ZNF277: variants seen among roughly 807,000 people sequenced by gnomAD.
ZNF277 encodes nuclear receptor-interacting factor 4.
Under a neutral mutation model 60.7 loss-of-function variants are expected in ZNF277, and 55 were observed. The observed-to-expected ratio is 0.91, with a 90% confidence interval of 0.73 to 1.13. The LOEUF (loss-of-function observed/expected upper bound fraction) is 1.13, where lower values mean the gene tolerates loss of function less well. ZNF277 is among the 50% of genes most tolerant of loss of function. The pLI is 0.00. For missense variants in ZNF277, 510 were observed against 523.0 expected (o/e 0.98, Z 0.24); for synonymous variants, 178 against 179.3 (o/e 0.99, Z 0.06).
At chr7:112,234,585 T>G (rs914461724) in intron 1 of ZNF277, among the ~76,000 whole-genome samples, 1 of 152,160 alleles carries the variant, frequency 6.6e-6, no homozygotes, top group Non-Finnish European at 1.5e-5. Context: ...ACCATAGCAG[T>G]TGCCAAATTT....
intron 1 of ZNF277, among the ~76,000 whole-genome samples, chr7:112,211,266 C>G (rs1460464473): frequency 1.3e-5 from 2 of 152,218 alleles, no homozygotes; most frequent in South Asian, 2.1e-4. Flanking sequence ...ACCTAGGAAG[C>G]ATCCTTGATT....
Position 112,235,019 on chromosome 7 carries a change from C to T in ZNF277, c.91+28212C>T, listed in dbSNP as rs180765385. Reference sequence around the variant, plus strand: ...AATTATTGTTTGACATTGTTATTAACAGCCATCTATTTTTTGCCTGCAGAA... The same window carrying T: ...AATTATTGTTTGACATTGTTATTAATAGCCATCTATTTTTTGCCTGCAGAA... On this transcript the variant is annotated intron_variant, in intron 1 of 11. Coordinates refer to ENST00000361822, the MANE Select transcript of ZNF277 (RefSeq NM_021994.3). Among the ~76,000 whole-genome samples, 402 of 151,962 alleles carry T rather than the reference C, an allele frequency of 2.6e-3. 2 individuals are homozygous for T. The highest frequency in any genetic ancestry group is 9.0e-3 in the African/African-American group (375 of 41,486).
At chr7:112,229,349 A>C (rs1375666136) in intron 1 of ZNF277, among the ~76,000 whole-genome samples, 2 of 152,214 alleles carry the variant, frequency 1.3e-5, no homozygotes, top group African/African-American at 4.8e-5. Flanking sequence ...TGCATACAAC[A>C]CTGCAAAGAA....
At chr7:112,325,935 G>A (rs1183719653) in intron 5 of ZNF277, among the ~76,000 whole-genome samples, 1 of 152,122 alleles carries the variant, frequency 6.6e-6, no homozygotes, top group Non-Finnish European at 1.5e-5. Context: ...AAGCCACTGT[G>A]GCCTACCTGA....
At chr7:112,230,193 A>G (rs7792614) in intron 1 of ZNF277, among the ~76,000 whole-genome samples, 140,957 of 152,234 alleles carry the variant, frequency 0.93, 65,466 homozygotes, top group Middle Eastern at 0.98. Context: ...CTGGGAGGCC[A>G]AGGTGGGTGT....
chr7:112,328,080 T>G (rs1367312831), intron 6 of ZNF277: 1 of 272,380 alleles, frequency 3.7e-6, no homozygotes, highest in African/African-American at 2.2e-5. Context: ...GTATAGGATA[T>G]GAAGAATATA....
chr7:112,264,089 G>T (rs1791493551), intron 1 of ZNF277, among the ~76,000 whole-genome samples: 1 of 152,126 alleles, frequency 6.6e-6, no homozygotes, highest in African/African-American at 2.4e-5. Context: ...GACTAGATAG[G>T]AGGCTTCCAG....
intron 1 of ZNF277, among the ~76,000 whole-genome samples, chr7:112,266,764 T>C (rs1467303902): frequency 6.6e-6 from 1 of 152,200 alleles, no homozygotes; most frequent in Non-Finnish European, 1.5e-5. Flanking sequence ...ACTTGTAATA[T>C]CAGCAGTGTT....
At chr7:112,302,977 G>A (rs1221843039) in intron 4 of ZNF277, among the ~76,000 whole-genome samples, 1 of 136,846 alleles carries the variant, frequency 7.3e-6, no homozygotes, top group East Asian at 2.1e-4. Flanking sequence ...GAGACAGAGT[G>A]TCAGTCTGTC....
At chr7:112,286,542 T>C (rs1441352701) in intron 1 of ZNF277, among the ~76,000 whole-genome samples, 2 of 152,076 alleles carry the variant, frequency 1.3e-5, no homozygotes, top group Non-Finnish European at 2.9e-5. Context: ...GTTGCAGCCT[T>C]CCCCCTTGCA....
intron 4 of ZNF277, among the ~76,000 whole-genome samples, chr7:112,296,908 ATTTATTTTTTTTTTTTTTTTTTTTT>A (rs1792357915): frequency 2.7e-5 from 1 of 37,186 alleles, no homozygotes; most frequent in Non-Finnish European, 4.7e-5. Context: ...TTATTTATTT[ATTTATTTTTTTTTTTTTTTTTTTTT>A]TTTTTTTTTT....
rs748444592 is a variant in ZNF277 at position 112,206,712 on chromosome 7, G to C, written c.-5G>C. On this transcript the variant is annotated 5_prime_UTR_variant, in exon 1 of 12. Transcript: ENST00000361822. Reference sequence around the variant, plus strand: ...GCGGCCCTCCCTTTTCTTTTCTGCCGGGTAATGGCTGCTTCCAAGACCCAG... The same window carrying C: ...GCGGCCCTCCCTTTTCTTTTCTGCCCGGTAATGGCTGCTTCCAAGACCCAG... 3 of 1,613,042 alleles carry C rather than the reference G, an allele frequency of 1.9e-6. No homozygotes were observed. Among genetic ancestry groups the C allele is most frequent in the South Asian group, 2.2e-5 (2 of 91,006 alleles).
At chr7:112,339,920 T>C in intron 10 of ZNF277, 35 bp downstream of exon 10, 1 of 1,597,576 alleles carries the variant, frequency 6.3e-7, no homozygotes, top group Non-Finnish European at 8.5e-7. Context: ...TCTGTGATGC[T>C]TCATTTTTTA....
At chr7:112,255,628 C>T (rs567399699) in intron 1 of ZNF277, among the ~76,000 whole-genome samples, 80 of 152,314 alleles carry the variant, frequency 5.3e-4, no homozygotes, top group African/African-American at 1.8e-3. Flanking sequence ...AGTAACAATA[C>T]AGTAATTCCT....
chr7:112,263,926 CAG>C (rs1482823224), intron 1 of ZNF277, among the ~76,000 whole-genome samples: 3 of 152,242 alleles, frequency 2.0e-5, no homozygotes, highest in Middle Eastern at 6.8e-3. Flanking sequence ...CCCTGCTCTT[CAG>C]AGCTACCTCT....
chr7:112,206,765 C>T lies in ZNF277; in HGVS notation c.49C>T (p.Arg17Cys). ...GGCTGTCGCCCGAATGCAGGAAGAC[C>T]GTGATGGGAGCTGCAGCACAGTCGG... is the stretch of plus-strand genomic sequence containing the variant. ...QGAVARMQED[R>C]DGSCSTVGGV... The change falls in exon 1 of 12, where the codon CGT becomes TGT. Residue 17 changes from arginine (R) to cysteine (C), a missense_variant. Physicochemically the swap from Arg to Cys is radical, Grantham distance 180. Transcript: ENST00000361822. 1.2e-5 allele frequency: 19 copies of T among 1,612,960 alleles called. No individual in the cohort carries two copies. The highest frequency in any genetic ancestry group is 1.6e-5 in the Non-Finnish European group (19 of 1,179,562).
Position 112,342,600 on chromosome 7 carries a change from T to C in ZNF277, c.1224T>C (p.Cys408=). Reference sequence around the variant, plus strand: ...CCTATGAAAATGACACTCTCCTGTGTACACTATCTGACAGTGAAAGTGACC... The same window carrying C: ...CCTATGAAAATGACACTCTCCTGTGCACACTATCTGACAGTGAAAGTGACC... ...FPTYENDTLL[C]TLSDSESDLT... is the part of the protein sequence containing the mutation. The change falls in exon 12 of 12, where the codon TGT becomes TGC. Residue 408 remains cysteine (C), a synonymous_variant. Coordinates refer to ENST00000361822, the MANE Select transcript of ZNF277 (RefSeq NM_021994.3). The C allele has an allele frequency of 1.2e-6, 2 of 1,612,760 alleles. No individual in the cohort carries two copies. Among genetic ancestry groups the C allele is most frequent in the Non-Finnish European group, 1.7e-6 (2 of 1,179,700 alleles).
At chr7:112,298,058 T>C (rs1334301563) in intron 4 of ZNF277, among the ~76,000 whole-genome samples, 3 of 152,136 alleles carry the variant, frequency 2.0e-5, no homozygotes, top group Admixed American at 1.3e-4. Flanking sequence ...AGGCAATCAA[T>C]CCATACATGC....
chr7:112,341,948 A>G (rs1290485202), intron 11 of ZNF277, among the ~76,000 whole-genome samples: 1 of 152,192 alleles, frequency 6.6e-6, no homozygotes, highest in Non-Finnish European at 1.5e-5. Context: ...TAACTTCAAA[A>G]TGTATTCAGA....
Sources: allele counts gnomAD v4.1 joint callset (sites outside exome capture counted in the v4.1 genomes callset), GRCh38; gene constraint gnomAD v4.1.1; transcripts MANE v1.5; gene names NCBI Gene and HGNC (gene_info 2026-07-23, HGNC 2026-07-21).